PCDH15: variants seen among roughly 807,000 people sequenced by gnomAD.
PCDH15 encodes the protein protocadherin related 15, also known as protocadherin-15.
A neutral mutation model predicts 178.5 loss-of-function variants in PCDH15; 129 were observed. The ratio of observed to expected loss-of-function variants is 0.72; its 90% confidence interval spans 0.63 to 0.84. The LOEUF is 0.84. Ranked by LOEUF, PCDH15 falls within the 40% of genes least tolerant of loss-of-function variation. PCDH15 has a pLI of 0.00. For missense variants in PCDH15, 2,230 were observed against 2,099.9 expected, an observed-to-expected ratio of 1.06 and a Z score of -1.21; for synonymous variants, 800 against 732.0, an observed-to-expected ratio of 1.09 and a Z score of -1.50.
intron 2 of PCDH15, among the ~76,000 whole-genome samples, chr10:55,000,249 C>A (rs971937244): frequency 6.6e-6 from 1 of 152,136 alleles, no homozygotes; most frequent in Non-Finnish European, 1.5e-5. Flanking sequence ...CCTGCTGAAG[C>A]GGCCATTTTA....
At chr10:55,424,118 T>C (rs12252573) in intron 2 of PCDH15, among the ~76,000 whole-genome samples, 41,385 of 151,986 alleles carry the variant, frequency 0.27, 6,846 homozygotes, top group African/African-American at 0.47. Context: ...CACAAGAAAA[T>C]GTATGAGAAG....
At chr10:55,593,227 C>A (rs541061266) in intron 2 of PCDH15, among the ~76,000 whole-genome samples, 5 of 152,046 alleles carry the variant, frequency 3.3e-5, no homozygotes, top group Non-Finnish European at 7.4e-5. Context: ...AATAAAATTT[C>A]TTTTCCAAAA....
intron 2 of PCDH15, among the ~76,000 whole-genome samples, chr10:54,628,993 AT>A (rs917728019): frequency 1.3e-5 from 2 of 151,714 alleles, no homozygotes; most frequent in Non-Finnish European, 2.9e-5. Flanking sequence ...CACACACACA[AT>A]TTTTTTGGTA....
chr10:54,421,859 A>ATG (rs1955475441), intron 3 of PCDH15, among the ~76,000 whole-genome samples: 1 of 88,070 alleles, frequency 1.1e-5, no homozygotes, highest in Non-Finnish European at 2.3e-5. Flanking sequence ...ATATATATAT[A>ATG]TATACACACA....
intron 15 of PCDH15, among the ~76,000 whole-genome samples, chr10:54,104,467 C>A (rs775021954): frequency 6.6e-6 from 1 of 152,180 alleles, no homozygotes; most frequent in Non-Finnish European, 1.5e-5. Flanking sequence ...TCTTTCTCTA[C>A]AGGAGCTAAG....
intron 26 of PCDH15, among the ~76,000 whole-genome samples, chr10:53,893,560 C>G (rs1157916660): frequency 6.6e-6 from 1 of 152,088 alleles, no homozygotes; most frequent in East Asian, 1.9e-4. Flanking sequence ...GCCCATCAAC[C>G]AATGAGTGGA....
chr10:55,182,417 A>T (rs1219346), intron 1 of PCDH15, among the ~76,000 whole-genome samples: 1 of 151,826 alleles, frequency 6.6e-6, no homozygotes. Flanking sequence ...TGAATACAAC[A>T]TATCATAGTG....
intron 14 of PCDH15, among the ~76,000 whole-genome samples, chr10:54,144,042 G>C (rs1253922536): frequency 1.3e-5 from 2 of 151,252 alleles, no homozygotes; most frequent in African/African-American, 2.4e-5. Flanking sequence ...AGCTTCTTTT[G>C]CAAGTAGATT....
At chr10:53,983,356 G>C (rs1435984696) in intron 21 of PCDH15, among the ~76,000 whole-genome samples, 10 of 141,608 alleles carry the variant, frequency 7.1e-5, no homozygotes, top group Non-Finnish European at 1.2e-4. Flanking sequence ...AAGGACAAAA[G>C]AGAAAGAAAA....
At chr10:55,138,118 G>C (rs546492667) in intron 2 of PCDH15, among the ~76,000 whole-genome samples, 3 of 152,080 alleles carry the variant, frequency 2.0e-5, no homozygotes, top group African/African-American at 7.2e-5. Context: ...TATAGCTGTT[G>C]TAAGTCTGAT....
At chr10:53,962,375 G>A (rs1824823042) in intron 21 of PCDH15, among the ~76,000 whole-genome samples, 1 of 152,050 alleles carries the variant, frequency 6.6e-6, no homozygotes, top group Non-Finnish European at 1.5e-5. Context: ...ACCATGCTTG[G>A]CTAATTTGAG....
intron 15 of PCDH15, among the ~76,000 whole-genome samples, chr10:54,123,755 G>A (rs772135489): frequency 1.3e-5 from 2 of 152,030 alleles, no homozygotes; most frequent in Non-Finnish European, 2.9e-5. Context: ...AATCAACCTA[G>A]GTGCCCATCG....
chr10:55,088,892 G>A (rs770386322), intron 2 of PCDH15, among the ~76,000 whole-genome samples: 3 of 152,016 alleles, frequency 2.0e-5, no homozygotes, highest in Admixed American at 6.6e-5. Context: ...ATATCAGTTT[G>A]AATTTTAAAT....
At chr10:54,340,046 C>A (rs917984396) in intron 6 of PCDH15, among the ~76,000 whole-genome samples, 12 of 152,074 alleles carry the variant, frequency 7.9e-5, no homozygotes, top group Non-Finnish European at 1.8e-4. Context: ...TGAATAAGGT[C>A]TTTCTTACCA....
rs77525218 is a variant in PCDH15 at position 53,905,322 on chromosome 10, A to G, written c.3374-1952T>C. 3.5e-3 allele frequency: 1,665 copies of G among 469,102 alleles called. 24 individuals carry two copies. Among genetic ancestry groups the G allele is most frequent in the African/African-American group, 0.03 (1,499 of 49,902 alleles). 29.1% of individuals were successfully genotyped at this position (469,102 alleles called of 1,614,324 possible). ...AAATGTTAAACCAACCACCATTCAT[A>G]TGTACATTTTTTTCTTTTTCTTGTT... On this transcript the variant is annotated intron_variant, in intron 25 of 37. Coordinates refer to ENST00000644397, the MANE Select transcript of PCDH15 (RefSeq NM_001384140.1).
chr10:53,827,202 T>C (rs2076735997), intron 32 of PCDH15, among the ~76,000 whole-genome samples, 191 bp downstream of exon 32: 1 of 152,082 alleles, frequency 6.6e-6, no homozygotes, highest in African/African-American at 2.4e-5. Flanking sequence ...TAATTTCTGG[T>C]TTGGTTTTGG....
intron 2 of PCDH15, among the ~76,000 whole-genome samples, chr10:55,046,077 A>G (rs1840996131): frequency 6.6e-6 from 1 of 152,060 alleles, no homozygotes; most frequent in Non-Finnish European, 1.5e-5. Flanking sequence ...CTCCCTCTCT[A>G]TGTACTATGT....
At chr10:54,952,721 A>AT (rs567591192) in intron 2 of PCDH15, among the ~76,000 whole-genome samples, 133 of 151,652 alleles carry the variant, frequency 8.8e-4, no homozygotes, top group African/African-American at 2.8e-3. Flanking sequence ...ATTTTGTTAG[A>AT]TTTTTTACCC....
At chr10:54,215,817 G>A (rs753638324) in intron 9 of PCDH15, among the ~76,000 whole-genome samples, 23 of 150,632 alleles carry the variant, frequency 1.5e-4, no homozygotes, top group African/African-American at 4.4e-4. Context: ...CGAGACGGGC[G>A]GATCACGAGG....
Sources: allele counts gnomAD v4.1 joint callset (sites outside exome capture counted in the v4.1 genomes callset), GRCh38; gene constraint gnomAD v4.1.1; transcripts MANE v1.5; gene names NCBI Gene and HGNC (gene_info 2026-07-23, HGNC 2026-07-21).